The following DNM1L variants were observed in gnomAD, a reference collection of about 807,000 sequenced individuals.
DNM1L encodes the protein dynamin-1-like protein.
In DNM1L, 33 loss-of-function variants were observed where a neutral mutation model predicts 92.8. The observed-to-expected ratio is 0.36, with a 90% CI of 0.27 to 0.48. DNM1L has a LOEUF of 0.48. Among genes scored for constraint, DNM1L ranks in the 20% least tolerant of loss-of-function variants. DNM1L has a pLI of 0.99. For missense variants in DNM1L, 485 were observed against 888.8 expected (o/e 0.55, Z 5.78); for synonymous variants, 284 against 305.0 (o/e 0.93, Z 0.72).
intron 1 of DNM1L, among the ~76,000 whole-genome samples, chr12:32,680,686 A>G (rs1951770799): frequency 6.6e-6 from 1 of 152,204 alleles, no homozygotes; most frequent in Non-Finnish European, 1.5e-5. Flanking sequence ...AGAAGCATCA[A>G]ACAAATTACG....
intron 6 of DNM1L, among the ~76,000 whole-genome samples, chr12:32,717,705 T>C (rs1422581774): frequency 1.0e-5 from 1 of 99,070 alleles, no homozygotes; most frequent in African/African-American, 4.0e-5. Flanking sequence ...AAAAAATACA[T>C]ATACCTAGGT....
At chr12:32,737,468 A>C (rs1954971755) in intron 14 of DNM1L, 1 of 398,000 alleles carries the variant, frequency 2.5e-6, no homozygotes, top group Admixed American at 4.1e-5. Context: ...GAAATGACTC[A>C]AGATTTTATT....
rs544992242 is a variant in DNM1L, at chr12:32,702,283, C to T, written c.250+721C>T. ...GAAAATAGGCATTGTCCTTTATAAC[C>T]GTTCTTTTTTGATTAAATTGAAAAT... is the stretch of plus-strand genomic sequence containing the variant. On this transcript the variant is annotated intron_variant, in intron 2 of 19. Coordinates refer to ENST00000549701, the MANE Select transcript of DNM1L (RefSeq NM_012062.5). 3.3e-5 allele frequency among the ~76,000 whole-genome samples: 5 copies of T among 150,342 alleles called. No individual in the cohort carries two copies. In the South Asian group the frequency reaches 1.1e-3, roughly 32 times the overall value.
intron 6 of DNM1L, among the ~76,000 whole-genome samples, chr12:32,718,039 A>G (rs1953614207): frequency 1.5e-5 from 2 of 129,128 alleles, no homozygotes; most frequent in South Asian, 2.2e-4. Flanking sequence ...TATATACTAT[A>G]CATACTATAT....
intron 6 of DNM1L, among the ~76,000 whole-genome samples, chr12:32,717,643 C>A (rs1953528244): frequency 2.3e-5 from 2 of 86,426 alleles, no homozygotes; most frequent in African/African-American, 4.9e-5. Flanking sequence ...AATACATATA[C>A]CTAGGTAGAT....
At chr12:32,682,255 C>G (rs1014183189) in intron 1 of DNM1L, among the ~76,000 whole-genome samples, 1 of 152,102 alleles carries the variant, frequency 6.6e-6, no homozygotes, top group African/African-American at 2.4e-5. Flanking sequence ...GCCTCAGCCT[C>G]CCACATAGCT....
At position 32,744,156 on chromosome 12, in the gene DNM1L, A is replaced by AGACTT. The variant is rs1955501705; in HGVS notation, c.*748_*752dup. On this transcript the variant is annotated 3_prime_UTR_variant, in exon 20 of 20. Coordinates refer to ENST00000549701, the MANE Select transcript of DNM1L (RefSeq NM_012062.5). ...GCCATCTACCCTTGATTATCTAGAA[A>AGACTT]GACTTGGTAATGATGGTCAGTTCCT... 6.6e-6 allele frequency: 1 copy of AGACTT among 152,360 alleles called. No homozygotes were observed. The highest frequency in any genetic ancestry group is 2.4e-5 in the African/African-American group (1 of 41,570). 9.4% of individuals were successfully genotyped at this position (152,360 alleles called of 1,614,324 possible).
chr12:32,705,709 A>C (rs1952895013), intron 2 of DNM1L: 3 of 920,112 alleles, frequency 3.3e-6, no homozygotes, highest in Non-Finnish European at 4.9e-6. Context: ...TGAATAATTG[A>C]ATGCTATGTG....
In DNM1L at chr12:32,711,026, A is replaced by G; in HGVS notation, c.456+11A>G. The stretch of plus-strand genomic sequence containing the variant: ...CCAGGAATGACCAAGGTAAGGAAGG[A>G]ATAGTTGTAGATTTGGTCAGGTTGT... On this transcript the variant is annotated intron_variant, in intron 5 of 19. Coordinates refer to ENST00000549701, the MANE Select transcript of DNM1L (RefSeq NM_012062.5). 1 of 1,611,952 alleles carries G rather than the reference A, an allele frequency of 6.2e-7. No homozygotes were observed. Among genetic ancestry groups the G allele is most frequent in the African/African-American group, 1.3e-5 (1 of 75,002 alleles).
At chr12:32,682,609 G>GTATCACTGGCAACC (rs1951854062) in intron 1 of DNM1L, among the ~76,000 whole-genome samples, 1 of 152,254 alleles carries the variant, frequency 6.6e-6, no homozygotes. Flanking sequence ...GAAAAAGCAG[G>GTATCACTGGCAACC]AAAATTAGGG....
intron 1 of DNM1L, among the ~76,000 whole-genome samples, chr12:32,700,405 A>G (rs1440129204): frequency 1.3e-5 from 2 of 152,140 alleles, no homozygotes; most frequent in African/African-American, 4.8e-5. Context: ...ACACAGAAGT[A>G]GTTAATGTAT....
intron 6 of DNM1L, among the ~76,000 whole-genome samples, chr12:32,713,801 CTCTG>C (rs894961368): frequency 2.0e-5 from 3 of 152,028 alleles, no homozygotes; most frequent in African/African-American, 4.8e-5. Context: ...GCAACATAGA[CTCTG>C]TCTGTTAAAA....
intron 18 of DNM1L, among the ~76,000 whole-genome samples, chr12:32,741,100 G>C (rs1461872397): frequency 3.9e-5 from 6 of 152,164 alleles, no homozygotes; most frequent in Non-Finnish European, 8.8e-5. Context: ...GAATTTTACT[G>C]CACAGAGTAA....
chr12:32,726,558 T>C lies in DNM1L; in HGVS notation c.1079+3925T>C, dbSNP rs570038407. 2.2e-5 allele frequency: 26 copies of C among 1,204,582 alleles called. No homozygotes were observed. In the South Asian group the frequency reaches 3.0e-4, roughly 14 times the overall value. The allele number at this position is 1,204,582 out of a possible 1,614,324, so 74.6% of individuals were successfully genotyped here. A position where few individuals can be genotyped will look rare whatever the true frequency, so the allele number is the denominator to read the frequency against. On this transcript the variant is annotated intron_variant, in intron 9 of 19. Transcript: ENST00000549701. ...TAACACTGATCTTGGGATTGTATGC[T>C]CACGTAAAAAGTGACCAATTTTGAA...
chr12:32,740,332 T>C, intron 17 of DNM1L, 77 bp from the exon 18 acceptor site: 4 of 1,610,418 alleles, frequency 2.5e-6, no homozygotes, highest in Non-Finnish European at 3.4e-6. Flanking sequence ...TCTCAAAAAC[T>C]TACATAACTT....
rs778128783 is a variant in DNM1L at position 32,744,768 on chromosome 12, C to A, written c.*1358C>A. 4.8e-6 allele frequency: 2 copies of A among 420,096 alleles called. No individual in the cohort carries two copies. The highest frequency in any genetic ancestry group is 9.2e-6 in the Non-Finnish European group (2 of 216,294). The allele number at this position is 420,096 out of a possible 1,614,324, so 26.0% of individuals were successfully genotyped here. On this transcript the variant is annotated 3_prime_UTR_variant, in exon 20 of 20. Coordinates refer to ENST00000549701, the MANE Select transcript of DNM1L (RefSeq NM_012062.5). ...AGATACACATACTCCTTCAGACTTA[C>A]AGACCTAAGCTGCATTTATGGGGTA...
At chr12:32,722,203 G>T (rs887488880) in intron 8 of DNM1L, among the ~76,000 whole-genome samples, 1 of 152,142 alleles carries the variant, frequency 6.6e-6, no homozygotes, top group African/African-American at 2.4e-5. Flanking sequence ...CATCTCATTA[G>T]CATGCAGAGA....
At chr12:32,683,238 T>A (rs1042132666) in intron 1 of DNM1L, among the ~76,000 whole-genome samples, 2 of 152,226 alleles carry the variant, frequency 1.3e-5, no homozygotes, top group African/African-American at 4.8e-5. Flanking sequence ...TTTTTATTTT[T>A]ATTTTTTTAG....
chr12:32,685,670 C>T (rs908938476), intron 1 of DNM1L, among the ~76,000 whole-genome samples: 5 of 152,080 alleles, frequency 3.3e-5, no homozygotes, highest in Non-Finnish European at 5.9e-5. Flanking sequence ...GCCGTGGCTG[C>T]ACCATTTCAC....
Sources: gnomAD v4.1 joint callset for allele counts (sites outside exome capture counted in the v4.1 genomes callset) on GRCh38, gnomAD v4.1.1 for gene constraint, MANE v1.5 for transcripts, NCBI Gene and HGNC (gene_info 2026-07-23, HGNC 2026-07-21) for gene names.